Variants in PAPPA2 observed in about 807,000 individuals in gnomAD.
The protein encoded by PAPPA2 is pappalysin-2.
A neutral mutation model predicts 176.4 loss-of-function variants in PAPPA2; 86 were observed. The ratio of observed to expected loss-of-function variants is 0.49; its 90% confidence interval spans 0.41 to 0.58. The LOEUF is 0.58. PAPPA2 is among the 20% of genes least tolerant of loss of function. The pLI, the probability that PAPPA2 is intolerant of heterozygous loss-of-function variation, is 0.00. For synonymous variants in PAPPA2, 809 were observed against 852.2 expected, an observed-to-expected ratio of 0.95 and a Z score of 0.88; for missense variants, 2,073 against 2,256.9, an observed-to-expected ratio of 0.92 and a Z score of 1.65.
intron 3 of PAPPA2, among the ~76,000 whole-genome samples, chr1:176,651,403 A>G (rs913113268): frequency 6.6e-6 from 1 of 151,572 alleles, no homozygotes; most frequent in Non-Finnish European, 1.5e-5. Context: ...GAGACAATAT[A>G]CTTGAATGGC....
intron 1 of PAPPA2, among the ~76,000 whole-genome samples, chr1:176,512,254 G>T (rs1648653134): frequency 6.8e-6 from 1 of 147,066 alleles, no homozygotes; most frequent in Non-Finnish European, 1.5e-5. Flanking sequence ...ACCACATTAA[G>T]TGTTGGCAAA....
intron 4 of PAPPA2, among the ~76,000 whole-genome samples, chr1:176,676,638 C>G (rs191419729): frequency 5.9e-5 from 9 of 152,064 alleles, no homozygotes; most frequent in Non-Finnish European, 1.3e-4. Flanking sequence ...TAAAGGATAG[C>G]AGGTGGGACA....
At chr1:176,554,213 A>C (rs2102586168) in intron 1 of PAPPA2, among the ~76,000 whole-genome samples, 1 of 152,278 alleles carries the variant, frequency 6.6e-6, no homozygotes, top group African/African-American at 2.4e-5. Flanking sequence ...AGGAGTTTAG[A>C]AGATGATGAT....
chr1:176,621,429 A>T (rs929067982), intron 3 of PAPPA2, among the ~76,000 whole-genome samples: 5 of 152,130 alleles, frequency 3.3e-5, no homozygotes, highest in Admixed American at 1.3e-4. Context: ...TCTCACCATC[A>T]TCCCCCTTGG....
intron 3 of PAPPA2, among the ~76,000 whole-genome samples, chr1:176,621,960 T>G (rs996926609): frequency 6.6e-6 from 1 of 151,866 alleles, no homozygotes; most frequent in Non-Finnish European, 1.5e-5. Context: ...TTTCACAGCT[T>G]TTTTTTTAAC....
intron 1 of PAPPA2, among the ~76,000 whole-genome samples, chr1:176,505,778 T>C (rs984557207): frequency 1.1e-4 from 16 of 151,828 alleles, no homozygotes; most frequent in African/African-American, 3.6e-4. Flanking sequence ...GTTATCAAGA[T>C]AGAGTATTGG....
chr1:176,473,562 T>C (rs1651981501), intron 1 of PAPPA2, among the ~76,000 whole-genome samples: 1 of 152,192 alleles, frequency 6.6e-6, no homozygotes, highest in Non-Finnish European at 1.5e-5. Flanking sequence ...ATGTAATTGC[T>C]GGATTGTATG....
chr1:176,802,261 C>T (rs1267207967), intron 21 of PAPPA2, among the ~76,000 whole-genome samples: 10 of 151,794 alleles, frequency 6.6e-5, no homozygotes, highest in East Asian at 1.9e-4. Flanking sequence ...GAAGATACAA[C>T]GATACAGGTG....
intron 3 of PAPPA2, among the ~76,000 whole-genome samples, chr1:176,614,276 G>T (rs1573128495): frequency 6.6e-6 from 1 of 152,170 alleles, no homozygotes; most frequent in African/African-American, 2.4e-5. Context: ...GTCAAATGGA[G>T]ATCAGATTGA....
chr1:176,529,703 A>C (rs1649699097), intron 1 of PAPPA2, among the ~76,000 whole-genome samples: 1 of 152,072 alleles, frequency 6.6e-6, no homozygotes, highest in Non-Finnish European at 1.5e-5. Flanking sequence ...CTGGAGAAAA[A>C]TGATTTTGTG....
chr1:176,662,583 A>G (rs1213583379), intron 3 of PAPPA2, among the ~76,000 whole-genome samples: 1 of 142,964 alleles, frequency 7.0e-6, no homozygotes, highest in Non-Finnish European at 1.5e-5. Flanking sequence ...TTTTTACTCT[A>G]TTTTTTAACC....
intron 2 of PAPPA2, among the ~76,000 whole-genome samples, chr1:176,558,552 G>C (rs79564914): frequency 6.6e-6 from 1 of 152,082 alleles, no homozygotes; most frequent in Non-Finnish European, 1.5e-5. Flanking sequence ...TGGTTTTGCT[G>C]TATTTTATTT....
chr1:176,528,814 C>T (rs11581965), intron 1 of PAPPA2, among the ~76,000 whole-genome samples: 25,411 of 152,118 alleles, frequency 0.17, 2,277 homozygotes, highest in Middle Eastern at 0.28. Flanking sequence ...ATGCTTCCCC[C>T]ACCATGTGTG....
chr1:176,498,310 A>G (rs567230307), intron 1 of PAPPA2, among the ~76,000 whole-genome samples: 34 of 152,236 alleles, frequency 2.2e-4, no homozygotes, highest in African/African-American at 7.7e-4. Context: ...GGGAATTGCT[A>G]ACTGCTTGTT....
At chr1:176,700,003 C>T (rs188972247) in intron 8 of PAPPA2, among the ~76,000 whole-genome samples, 11 of 152,244 alleles carry the variant, frequency 7.2e-5, no homozygotes, top group Non-Finnish European at 1.3e-4. Flanking sequence ...GCAAGGAGGC[C>T]GAGGGCCTGG....
chr1:176,712,057 G>T, intron 12 of PAPPA2, 76 bp downstream of exon 12: 1 of 1,346,300 alleles, frequency 7.4e-7, no homozygotes. Context: ...GTGTGTGTGT[G>T]TAAATGGTGC....
chr1:176,578,358 G>A (rs56085381), intron 2 of PAPPA2, among the ~76,000 whole-genome samples: 6,061 of 152,194 alleles, frequency 0.04, 403 homozygotes, highest in African/African-American at 0.14. Flanking sequence ...AGCAAGGGGC[G>A]TGCTCGGTCC....
chr1:176,597,158 A>G (rs921162159), intron 3 of PAPPA2, among the ~76,000 whole-genome samples: 1 of 152,238 alleles, frequency 6.6e-6, no homozygotes, highest in Non-Finnish European at 1.5e-5. Context: ...ATCAAGGGAC[A>G]TGGTTAAATT....
intron 3 of PAPPA2, among the ~76,000 whole-genome samples, chr1:176,643,507 A>T (rs1657216371): frequency 6.6e-6 from 1 of 151,544 alleles, no homozygotes; most frequent in South Asian, 2.1e-4. Context: ...AATTTGGCTT[A>T]TACCATCATA....
Sources: gnomAD v4.1 joint callset for allele counts (sites outside exome capture counted in the v4.1 genomes callset) on GRCh38, gnomAD v4.1.1 for gene constraint, MANE v1.5 for transcripts, NCBI Gene and HGNC (gene_info 2026-07-23, HGNC 2026-07-21) for gene names.